The following RFTN1 variants were observed in gnomAD, a reference collection of about 807,000 sequenced individuals.
The protein encoded by RFTN1 is raftlin, lipid raft linker 1.
RFTN1 carries 26 observed loss-of-function variants against 46.5 expected under a neutral mutation model. The observed-to-expected ratio is 0.56, with a 90% CI of 0.41 to 0.78. The LOEUF (loss-of-function observed/expected upper bound fraction) is 0.78. RFTN1 is among the 30% of genes least tolerant of loss of function. RFTN1 has a pLI of 0.00. For synonymous variants in RFTN1, 261 were observed against 284.2 expected, an observed-to-expected ratio of 0.92 and a Z score of 0.82; for missense variants, 693 against 718.7, an observed-to-expected ratio of 0.96 and a Z score of 0.41.
At chr3:16,326,729 G>T in intron 8 of RFTN1, 44 bp downstream of exon 8, 1 of 1,416,252 alleles carries the variant, frequency 7.1e-7, no homozygotes, top group Non-Finnish European at 1.0e-6. Flanking sequence ...GACTAGCACA[G>T]AGTAAGTGTT....
At position 16,426,192 on chromosome 3, in the gene RFTN1, G is replaced by A. The variant is rs12639030; in HGVS notation, c.332+7659C>T. Among the ~76,000 whole-genome samples the A allele has an allele frequency of 9.9e-5, 15 of 152,208 alleles. No homozygotes were observed. The East Asian group carries it at 2.1e-3, about 22-fold the overall frequency. On this transcript the variant is annotated intron_variant, in intron 3 of 9. Coordinates refer to ENST00000334133, the MANE Select transcript of RFTN1 (RefSeq NM_015150.2). This position sits in a 1 kb window ranked among gnomAD's most constrained non-coding sequence, Gnocchi z 5.9. ...CCCACGTGTGATTCCAACAATCAGC[G>A]CACTCTAGGGCTGATCCTCGGCCTC...
At position 16,498,844 on chromosome 3, in the gene RFTN1, A is replaced by G. The variant is rs144714169; in HGVS notation, c.-8-4967T>C. On this transcript the variant is annotated intron_variant, in intron 1 of 9. Coordinates refer to ENST00000334133, the MANE Select transcript of RFTN1 (RefSeq NM_015150.2). The surrounding 1 kb of genome is among the most constrained non-coding windows in gnomAD (Gnocchi z 5.2). ...AAATGTCTATACCATGCTCAAAACA[A>G]GTCAGAAAAATCTAGCTTATAAAAA... Among the ~76,000 whole-genome samples the G allele has an allele frequency of 3.3e-3, 497 of 152,338 alleles. 6 individuals carry two copies. The highest frequency in any genetic ancestry group is 0.011 in the African/African-American group (452 of 41,572).
At chr3:16,386,918 A>G (rs2074198666) in intron 4 of RFTN1, among the ~76,000 whole-genome samples, 1 of 152,250 alleles carries the variant, frequency 6.6e-6, no homozygotes, top group Non-Finnish European at 1.5e-5. Context: ...AGTCTGTGAC[A>G]CACCATGGGA....
At chr3:16,470,049 G>T (rs2076167995) in intron 2 of RFTN1, among the ~76,000 whole-genome samples, 1 of 152,128 alleles carries the variant, frequency 6.6e-6, no homozygotes, top group South Asian at 2.1e-4. Flanking sequence ...AAAGAGAGGG[G>T]GGTCCAGGCT....
chr3:16,477,699 A>G (rs1397250310), intron 2 of RFTN1, among the ~76,000 whole-genome samples: 1 of 152,180 alleles, frequency 6.6e-6, no homozygotes, highest in Non-Finnish European at 1.5e-5. Flanking sequence ...CACACTTCCA[A>G]TTCCTTCTCA....
chr3:16,366,611 T>G (rs1265272803), intron 6 of RFTN1, among the ~76,000 whole-genome samples: 1 of 151,214 alleles, frequency 6.6e-6, no homozygotes, highest in Non-Finnish European at 1.5e-5. Context: ...TCCTTTTGTC[T>G]GCCTACCCCC....
rs532415710 is a variant in RFTN1, at chr3:16,421,198, T to A, written c.333-11715A>T. 6.6e-6 allele frequency among the ~76,000 whole-genome samples: 1 copy of A among 152,336 alleles called. No homozygotes were observed. Among genetic ancestry groups the A allele is most frequent in the South Asian group, 2.1e-4 (1 of 4,832 alleles). Reference sequence around the variant, plus strand: ...AATGATGATCACAGTAAGTTCACACTATTAATAGCTAATACCTCAAGGCAA... The same window carrying A: ...AATGATGATCACAGTAAGTTCACACAATTAATAGCTAATACCTCAAGGCAA... On this transcript the variant is annotated intron_variant, in intron 3 of 9. Transcript: ENST00000334133. The surrounding 1 kb of genome is among the most constrained non-coding windows in gnomAD (Gnocchi z 4.6).
Position 16,440,019 on chromosome 3 carries a change from G to A in RFTN1, c.146-5982C>T, listed in dbSNP as rs559948028. On this transcript the variant is annotated intron_variant, in intron 2 of 9. Coordinates refer to ENST00000334133, the MANE Select transcript of RFTN1 (RefSeq NM_015150.2). The surrounding 1 kb of genome is among the most constrained non-coding windows in gnomAD (Gnocchi z 4.6). ...ACTCTAAGGCTGAACCACATGAACC[G>A]TCTCATCATAAGTTAAAATTTCTAA... Among the ~76,000 whole-genome samples, 12 of 152,274 alleles carry A rather than the reference G, an allele frequency of 7.9e-5. No homozygotes were observed. In the South Asian group the frequency reaches 1.7e-3, roughly 21 times the overall value.
At chr3:16,414,534 G>A (rs1014736067) in intron 3 of RFTN1, among the ~76,000 whole-genome samples, 1 of 151,524 alleles carries the variant, frequency 6.6e-6, no homozygotes, top group Middle Eastern at 3.2e-3. Flanking sequence ...AACCTGGGAG[G>A]CGGAGGTTGC....
rs1329124874 is a variant in RFTN1, at chr3:16,474,105, C to T, written c.145+19620G>A. The stretch of plus-strand genomic sequence containing the variant: ...GAGGAAATCTTGCACTTACATTTGA[C>T]TCTTCTTTGCATTTGGTATAAAAAT... On this transcript the variant is annotated intron_variant, in intron 2 of 9. Transcript: ENST00000334133. This position sits in a 1 kb window ranked among gnomAD's most constrained non-coding sequence, Gnocchi z 5.5. 6.6e-6 allele frequency among the ~76,000 whole-genome samples: 1 copy of T among 152,206 alleles called. No individual in the cohort carries two copies. The highest frequency in any genetic ancestry group is 1.5e-5 in the Non-Finnish European group (1 of 68,026).
In RFTN1 at chr3:16,493,805, G is replaced by A. The variant is rs2076581462; in HGVS notation, c.65C>T (p.Thr22Ile). 1 of 1,614,036 alleles carries A rather than the reference G, an allele frequency of 6.2e-7. No homozygotes were observed. The highest frequency in any genetic ancestry group is 8.5e-7 in the Non-Finnish European group (1 of 1,180,020). The change falls in exon 2 of 10, where the codon ACT (threonine) becomes ATT (isoleucine). Residue 22 changes from threonine to isoleucine, a missense_variant. Coordinates refer to ENST00000334133, the MANE Select transcript of RFTN1 (RefSeq NM_015150.2). ...GGTTTCCACCTGAGGCCTCTTCAAA[G>A]TTGAATAAATATTCCCAGGCCGTTT... ...DEKRPGNIYS[T>I]LKRPQVETKI...
chr3:16,502,407 A>T (rs1019204621), intron 1 of RFTN1, among the ~76,000 whole-genome samples: 1 of 151,804 alleles, frequency 6.6e-6, no homozygotes, highest in Admixed American at 6.6e-5. Flanking sequence ...AAAGAAAGAA[A>T]GAAAAGAAAA....
In RFTN1 at chr3:16,374,477, A is replaced by T. The variant is rs2073664288; in HGVS notation, c.826+3241T>A. 6.6e-6 allele frequency among the ~76,000 whole-genome samples: 1 copy of T among 152,016 alleles called. No homozygotes were observed. Among genetic ancestry groups the T allele is most frequent in the Admixed American group, 6.5e-5 (1 of 15,270 alleles). On this transcript the variant is annotated intron_variant, in intron 5 of 9. Transcript: ENST00000334133. This position sits in a 1 kb window ranked among gnomAD's most constrained non-coding sequence, Gnocchi z 5.4. ...GGAGCCCTCACATCAGGAAAGCCCA[A>T]CCCCCAGGTTTTGGCCATTCACAAT...
rs1454457099 is a variant in RFTN1 at position 16,428,311 on chromosome 3, C to A, written c.332+5540G>T. Among the ~76,000 whole-genome samples, 2 of 152,156 alleles carry A rather than the reference C, an allele frequency of 1.3e-5. No individual in the cohort carries two copies. Among genetic ancestry groups the A allele is most frequent in the Non-Finnish European group, 2.9e-5 (2 of 68,016 alleles). ...ATCCTAGGTGTGATTCCAATGAGTA[C>A]TCACTATAAACCCAAACCAGCTTAC... On this transcript the variant is annotated intron_variant, in intron 3 of 9. Coordinates refer to ENST00000334133, the MANE Select transcript of RFTN1 (RefSeq NM_015150.2). The surrounding 1 kb of genome is among the most constrained non-coding windows in gnomAD (Gnocchi z 4.7).
intron 5 of RFTN1, among the ~76,000 whole-genome samples, chr3:16,372,020 G>C (rs1029399899): frequency 2.6e-5 from 4 of 152,174 alleles, no homozygotes; most frequent in Non-Finnish European, 5.9e-5. Flanking sequence ...GGGTGTCAGG[G>C]GTTCAATTAA....
rs550955619 is a variant in RFTN1 at position 16,321,346 on chromosome 3, G to C, written c.1332+2030C>G. ...AATGGGGCTGGGTCTGAACCCTGAG[G>C]AACTTAGTGGGAAACCAGGAGAATG... On this transcript the variant is annotated intron_variant, in intron 9 of 9. Transcript: ENST00000334133. This position sits in a 1 kb window ranked among gnomAD's most constrained non-coding sequence, Gnocchi z 4.8. Among the ~76,000 whole-genome samples the C allele has an allele frequency of 2.6e-5, 4 of 152,284 alleles. No individual in the cohort carries two copies. Among genetic ancestry groups the C allele is most frequent in the South Asian group, 4.1e-4 (2 of 4,822 alleles).
rs1380464811 is a variant in RFTN1 at position 16,320,385 on chromosome 3, T to G, written c.1332+2991A>C. ...GTGCCAATCTTGCAGTTTCTTTTCTTAAGTTTTAATGCTAGACATACTATG... is the reference window on the plus strand; with the variant it reads ...GTGCCAATCTTGCAGTTTCTTTTCTGAAGTTTTAATGCTAGACATACTATG... On this transcript the variant is annotated intron_variant, in intron 9 of 9. Coordinates refer to ENST00000334133, the MANE Select transcript of RFTN1 (RefSeq NM_015150.2). The surrounding 1 kb of genome is among the most constrained non-coding windows in gnomAD (Gnocchi z 4.5). Among the ~76,000 whole-genome samples, 3 of 152,252 alleles carry G rather than the reference T, an allele frequency of 2.0e-5. No individual in the cohort carries two copies. The highest frequency in any genetic ancestry group is 4.4e-5 in the Non-Finnish European group (3 of 68,046).
intron 7 of RFTN1, among the ~76,000 whole-genome samples, chr3:16,343,168 G>T (rs554819480): frequency 4.6e-4 from 70 of 152,230 alleles, no homozygotes; most frequent in African/African-American, 1.6e-3. Context: ...AAGTCCTCAG[G>T]TGATTCTGAG....
At chr3:16,358,070 GGGT>G in intron 6 of RFTN1, 23 bp from the exon 7 acceptor site, 2 of 1,309,918 alleles carry the variant, frequency 1.5e-6, no homozygotes, top group Non-Finnish European at 2.2e-6. Flanking sequence ...AAAAAGGCGG[GGGT>G]GGGGGGGGTC....
Sources: allele counts gnomAD v4.1 joint callset (sites outside exome capture counted in the v4.1 genomes callset), GRCh38; gene constraint gnomAD v4.1.1; non-coding constraint Gnocchi (gnomAD v3.1); transcripts MANE v1.5; gene names NCBI Gene and HGNC (gene_info 2026-07-23, HGNC 2026-07-21).